The following LONP2 variants were observed in gnomAD, a reference collection of about 807,000 sequenced individuals.
LONP2 encodes lon peptidase 2, peroxisomal, also known as lon protease homolog 2, peroxisomal.
A neutral mutation model predicts 85.6 loss-of-function variants in LONP2; 60 were observed. The ratio of observed to expected loss-of-function variants is 0.70; its 90% CI spans 0.57 to 0.87. The LOEUF (loss-of-function observed/expected upper bound fraction) is 0.87. Among genes scored for constraint, LONP2 ranks in the 40% least tolerant of loss-of-function variants. The pLI, the probability that LONP2 is intolerant of heterozygous loss-of-function variation, is 0.00. For missense variants in LONP2, 860 were observed against 1,063.5 expected (o/e 0.81, Z 2.66); for synonymous variants, 395 against 389.7 (o/e 1.01, Z -0.16).
intron 1 of LONP2, among the ~76,000 whole-genome samples, chr16:48,251,183 G>A (rs1191269475): frequency 6.6e-6 from 1 of 152,130 alleles, no homozygotes; most frequent in Non-Finnish European, 1.5e-5. Flanking sequence ...CTTTGAGATG[G>A]GCAGGTGTGG....
intron 1 of LONP2, 46 bp from the exon 2 acceptor site, chr16:48,252,085 T>C: frequency 7.3e-7 from 1 of 1,367,788 alleles, no homozygotes; most frequent in Non-Finnish European, 9.9e-7. Context: ...GTTTCTGTTC[T>C]ACCGTATTGA....
In LONP2 at chr16:48,354,633, G is replaced by A. The variant is rs1355019664; in HGVS notation, c.*2831G>A. The A allele has an allele frequency of 6.6e-6, 1 of 152,208 alleles. No homozygotes were observed. The highest frequency in any genetic ancestry group is 2.4e-5 in the African/African-American group (1 of 41,420). 9.4% of individuals were successfully genotyped at this position (152,208 alleles called of 1,614,324 possible). ...TTTCTTTCTGAATTTCCCTTCATATGAGTGGGATCAAACAAGAGTTGTCCT... is the reference window on the plus strand; with the variant it reads ...TTTCTTTCTGAATTTCCCTTCATATAAGTGGGATCAAACAAGAGTTGTCCT... On this transcript the variant is annotated 3_prime_UTR_variant, in exon 15 of 15. Transcript: ENST00000285737.
intron 10 of LONP2, among the ~76,000 whole-genome samples, chr16:48,301,724 C>G (rs1972809393): frequency 6.6e-6 from 1 of 152,060 alleles, no homozygotes; most frequent in Non-Finnish European, 1.5e-5. Context: ...TACAAAGATA[C>G]TCTTTCTATT....
intron 2 of LONP2, among the ~76,000 whole-genome samples, chr16:48,254,504 C>T (rs1256857813): frequency 6.6e-6 from 1 of 152,024 alleles, no homozygotes; most frequent in Non-Finnish European, 1.5e-5. Context: ...GCTGGCATTA[C>T]AGGCATGCGC....
chr16:48,254,833 TTGGGTC>T (rs1292419525), intron 2 of LONP2, among the ~76,000 whole-genome samples: 1 of 152,196 alleles, frequency 6.6e-6, no homozygotes, highest in East Asian at 1.9e-4. Context: ...GAGCAGTGTT[TTGGGTC>T]TGGCAAATAG....
chr16:48,299,587 A>C, intron 9 of LONP2, 75 bp from the exon 10 acceptor site: 1 of 1,534,366 alleles, frequency 6.5e-7, no homozygotes, highest in South Asian at 1.3e-5. Flanking sequence ...GTCTCTAAAA[A>C]AAAAAACAAA....
downstream of LONP2, among the ~76,000 whole-genome samples, chr16:48,359,010 A>G (rs943148360): frequency 3.3e-5 from 5 of 152,260 alleles, no homozygotes; most frequent in Middle Eastern, 3.4e-3. Context: ...TTTTTGAGCC[A>G]AGAGTCTCAG....
At chr16:48,287,888 T>G (rs929329030) in intron 8 of LONP2, among the ~76,000 whole-genome samples, 1 of 152,190 alleles carries the variant, frequency 6.6e-6, no homozygotes, top group Non-Finnish European at 1.5e-5. Flanking sequence ...TTTTCAGAGT[T>G]TCTTACTCTA....
intron 2 of LONP2, among the ~76,000 whole-genome samples, chr16:48,253,048 G>A (rs1187352083): frequency 6.6e-6 from 1 of 152,168 alleles, no homozygotes; most frequent in Non-Finnish European, 1.5e-5. Context: ...ATGTTTAAAA[G>A]TCACAATTAT....
chr16:48,362,033 A>C (rs1233249731), downstream of LONP2: 2 of 1,614,204 alleles, frequency 1.2e-6, no homozygotes, highest in Non-Finnish European at 1.7e-6. The surrounding 1 kb of genome is among the most constrained non-coding windows in gnomAD (Gnocchi z 4.2). Context: ...TACAGGAAGC[A>C]CCAGGGCACG....
chr16:48,277,246 A>G (rs62059409), intron 7 of LONP2, 92 bp from the exon 8 acceptor site: 101,951 of 1,244,588 alleles, frequency 0.082, 5,091 homozygotes, highest in Non-Finnish European at 0.1. Context: ...TAGCTAAATG[A>G]TCTTTTCACA....
chr16:48,346,498 G>T (rs1167019152), intron 12 of LONP2, among the ~76,000 whole-genome samples: 1 of 152,102 alleles, frequency 6.6e-6, no homozygotes, highest in African/African-American at 2.4e-5. Context: ...TCATCCCATG[G>T]GAAGGAACCC....
chr16:48,334,479 C>A, intron 12 of LONP2, 121 bp downstream of exon 12: 1 of 1,269,002 alleles, frequency 7.9e-7, no homozygotes, highest in Non-Finnish European at 1.1e-6. Context: ...CCTTATTCGA[C>A]CTTCTTTTTG....
chr16:48,357,997 C>T (rs965979587), downstream of LONP2, among the ~76,000 whole-genome samples: 37 of 152,110 alleles, frequency 2.4e-4, no homozygotes, highest in Admixed American at 6.5e-4. Context: ...GTACAGCCTC[C>T]TGAAAGACAC....
At chr16:48,289,101 A>AT (rs1248051170) in intron 8 of LONP2, among the ~76,000 whole-genome samples, 2 of 152,130 alleles carry the variant, frequency 1.3e-5, no homozygotes, top group African/African-American at 4.8e-5. Context: ...CTTTTTAATG[A>AT]TACTTTGCAG....
At chr16:48,276,351 G>A (rs553232412) in intron 7 of LONP2, among the ~76,000 whole-genome samples, 222 of 152,180 alleles carry the variant, frequency 1.5e-3, no homozygotes, top group African/African-American at 5.0e-3. Flanking sequence ...TCTGTGAATC[G>A]GCTTTGTGCA....
chr16:48,327,977 A>G (rs1203440234), intron 11 of LONP2, among the ~76,000 whole-genome samples: 1 of 152,148 alleles, frequency 6.6e-6, no homozygotes, highest in East Asian at 1.9e-4. Context: ...GCTGGGTAGA[A>G]TGAGATTGTA....
At chr16:48,285,690 T>G (rs1477469646) in intron 8 of LONP2, among the ~76,000 whole-genome samples, 4 of 152,166 alleles carry the variant, frequency 2.6e-5, no homozygotes, top group East Asian at 1.9e-4. Flanking sequence ...TTTTAAAATT[T>G]TTATTATTTA....
intron 1 of LONP2, among the ~76,000 whole-genome samples, chr16:48,246,183 A>G (rs540920964): frequency 6.6e-6 from 1 of 152,220 alleles, no homozygotes; most frequent in East Asian, 1.9e-4. Flanking sequence ...CCCAGTATTC[A>G]TTTATATTGT....
Sources: gnomAD v4.1 joint callset for allele counts (sites outside exome capture counted in the v4.1 genomes callset) on GRCh38, gnomAD v4.1.1 for gene constraint, Gnocchi (gnomAD v3.1) non-coding constraint, MANE v1.5 for transcripts, NCBI Gene and HGNC (gene_info 2026-07-23, HGNC 2026-07-21) for gene names.